Variants in SIPA1L1 observed in about 807,000 individuals in gnomAD.
The protein encoded by SIPA1L1 is signal-induced proliferation-associated 1-like protein 1.
SIPA1L1 carries 26 observed loss-of-function variants against 162.7 expected under a neutral mutation model. The ratio of observed to expected loss-of-function variants is 0.16; its 90% CI spans 0.12 to 0.22. The LOEUF is 0.22. SIPA1L1 is among the 10% of genes least tolerant of loss of function. SIPA1L1 has a pLI of 1.00. For missense variants in SIPA1L1, 1,874 were observed against 2,241.0 expected, an observed-to-expected ratio of 0.84 and a Z score of 3.31; for synonymous variants, 829 against 837.4, an observed-to-expected ratio of 0.99 and a Z score of 0.17.
intron 17 of SIPA1L1, among the ~76,000 whole-genome samples, chr14:71,717,531 A>G (rs1456638384): frequency 6.6e-6 from 1 of 152,202 alleles, no homozygotes; most frequent in Non-Finnish European, 1.5e-5. Context: ...CGTAATTCCT[A>G]TGACAAGATT....
chr14:71,674,401 A>G (rs1337880007), intron 12 of SIPA1L1, among the ~76,000 whole-genome samples: 2 of 152,282 alleles, frequency 1.3e-5, no homozygotes, highest in African/African-American at 4.8e-5. Flanking sequence ...ATACTAGACT[A>G]GATATATTGT....
At chr14:71,461,772 C>T (rs2046619457) in intron 2 of SIPA1L1, among the ~76,000 whole-genome samples, 1 of 152,224 alleles carries the variant, frequency 6.6e-6, no homozygotes, top group Non-Finnish European at 1.5e-5. Context: ...CTCTGTCCTT[C>T]AGAGATGTCC....
At chr14:71,565,923 T>A (rs2030433907) in intron 4 of SIPA1L1, among the ~76,000 whole-genome samples, 1 of 152,126 alleles carries the variant, frequency 6.6e-6, no homozygotes. Context: ...CAGAGTAGAA[T>A]GTAATATATT....
intron 4 of SIPA1L1, among the ~76,000 whole-genome samples, chr14:71,585,593 G>C (rs7156313): frequency 0.83 from 126,732 of 152,186 alleles, 53,322 homozygotes; most frequent in African/African-American, 0.94. Context: ...AAAGACAGCT[G>C]TGCAGTAAAG....
intron 2 of SIPA1L1, among the ~76,000 whole-genome samples, chr14:71,350,368 A>C (rs2140581246): frequency 6.6e-6 from 1 of 152,124 alleles, no homozygotes; most frequent in Admixed American, 6.5e-5. Flanking sequence ...AGATCGCACC[A>C]CTGCATTCCA....
At chr14:71,684,300 T>C (rs1360882766) in intron 12 of SIPA1L1, among the ~76,000 whole-genome samples, 1 of 152,242 alleles carries the variant, frequency 6.6e-6, no homozygotes, top group Non-Finnish European at 1.5e-5. Flanking sequence ...CTGAGATATG[T>C]AGACAAGGTC....
chr14:71,590,604 A>G (rs949808895), intron 5 of SIPA1L1, among the ~76,000 whole-genome samples: 11 of 152,220 alleles, frequency 7.2e-5, no homozygotes, highest in African/African-American at 1.9e-4. Context: ...TCTCGTGACT[A>G]AACATCCATG....
chr14:71,482,432 G>T (rs761133565), intron 2 of SIPA1L1, among the ~76,000 whole-genome samples: 1 of 152,122 alleles, frequency 6.6e-6, no homozygotes, highest in East Asian at 1.9e-4. Flanking sequence ...GAAAGAATGG[G>T]AACAGTCCAG....
chr14:71,736,068 A>C (rs1388743697), intron 22 of SIPA1L1, among the ~76,000 whole-genome samples: 1 of 152,238 alleles, frequency 6.6e-6, no homozygotes, highest in Non-Finnish European at 1.5e-5. Flanking sequence ...TTCTTGTTGC[A>C]GAATAATTTC....
intron 14 of SIPA1L1, among the ~76,000 whole-genome samples, chr14:71,701,524 G>T (rs559695013): frequency 6.6e-6 from 1 of 152,022 alleles, no homozygotes; most frequent in East Asian, 1.9e-4. Context: ...CCCCTATTTG[G>T]TCTTTTATTA....
chr14:71,374,098 A>G (rs905095746), intron 2 of SIPA1L1, among the ~76,000 whole-genome samples: 2 of 152,192 alleles, frequency 1.3e-5, no homozygotes, highest in African/African-American at 4.8e-5. Context: ...CAAAGAACTG[A>G]AATAGAATGC....
chr14:71,604,485 T>C (rs1350881156), intron 5 of SIPA1L1, among the ~76,000 whole-genome samples: 1 of 152,092 alleles, frequency 6.6e-6, no homozygotes, highest in Non-Finnish European at 1.5e-5. Flanking sequence ...TTGTGTGTTT[T>C]CATGTTGGTA....
intron 2 of SIPA1L1, among the ~76,000 whole-genome samples, chr14:71,458,026 A>G (rs180855130): frequency 1.3e-4 from 20 of 152,056 alleles, no homozygotes; most frequent in Admixed American, 1.2e-3. Flanking sequence ...AAACAATATC[A>G]TTTGAAGATA....
chr14:71,333,865 G>GTAGCAT (rs569828656), intron 2 of SIPA1L1, among the ~76,000 whole-genome samples: 210 of 152,272 alleles, frequency 1.4e-3, no homozygotes, highest in Non-Finnish European at 2.5e-3. Context: ...TGCTCTATAG[G>GTAGCAT]TGAGATATGA....
At chr14:71,584,566 A>G (rs530918069) in intron 4 of SIPA1L1, among the ~76,000 whole-genome samples, 2 of 152,258 alleles carry the variant, frequency 1.3e-5, no homozygotes, top group East Asian at 3.9e-4. Context: ...AAGACACTAC[A>G]GAAACACAGG....
chr14:71,656,483 A>G (rs527408157), intron 8 of SIPA1L1, among the ~76,000 whole-genome samples: 19 of 152,328 alleles, frequency 1.2e-4, no homozygotes, highest in Non-Finnish European at 2.2e-4. Flanking sequence ...TTGACAATAG[A>G]TAAGTTCTTC....
At chr14:71,639,112 A>C (rs140402039) in intron 7 of SIPA1L1, among the ~76,000 whole-genome samples, 61 of 152,298 alleles carry the variant, frequency 4.0e-4, no homozygotes, top group African/African-American at 1.4e-3. Flanking sequence ...TGATGAACGA[A>C]TCAAAACCCT....
At chr14:71,720,962 A>G (rs189513867) in intron 17 of SIPA1L1, among the ~76,000 whole-genome samples, 9 of 152,180 alleles carry the variant, frequency 5.9e-5, no homozygotes, top group Admixed American at 1.3e-4. Flanking sequence ...TATTTGGTTC[A>G]TTTGATGAGG....
intron 2 of SIPA1L1, among the ~76,000 whole-genome samples, chr14:71,505,127 T>C (rs1375296513): frequency 6.6e-6 from 1 of 152,226 alleles, no homozygotes; most frequent in Non-Finnish European, 1.5e-5. Context: ...AAAAAACTTT[T>C]CTCAACCTTG....
Sources: gnomAD v4.1 joint callset for allele counts (sites outside exome capture counted in the v4.1 genomes callset) on GRCh38, gnomAD v4.1.1 for gene constraint, MANE v1.5 for transcripts, NCBI Gene and HGNC (gene_info 2026-07-23, HGNC 2026-07-21) for gene names.